Variants in TRERF1 observed in about 807,000 individuals in gnomAD.
TRERF1 encodes the protein transcriptional regulating factor 1.
A neutral mutation model predicts 122.9 loss-of-function variants in TRERF1; 27 were observed. That is an observed-to-expected ratio of 0.22 (90% CI 0.16 to 0.30). The LOEUF (loss-of-function observed/expected upper bound fraction) is 0.30. Ranked by LOEUF, TRERF1 falls within the 10% of genes least tolerant of loss-of-function variation. The pLI is 1.00. For synonymous variants in TRERF1, 636 were observed against 641.7 expected (o/e 0.99, Z 0.13); for missense variants, 1,248 against 1,560.3 (o/e 0.80, Z 3.37).
At chr6:42,421,549 G>A (rs1397284951) in intron 2 of TRERF1, among the ~76,000 whole-genome samples, 1 of 151,632 alleles carries the variant, frequency 6.6e-6, no homozygotes, top group African/African-American at 2.4e-5. Context: ...TGAGGCAGGC[G>A]GATTGCCTGA....
At chr6:42,440,557 A>T (rs1326102658) in intron 2 of TRERF1, among the ~76,000 whole-genome samples, 1 of 152,150 alleles carries the variant, frequency 6.6e-6, no homozygotes, top group African/African-American at 2.4e-5. Flanking sequence ...CTGGAGCCCT[A>T]ATGCTGATAC....
intron 3 of TRERF1, among the ~76,000 whole-genome samples, chr6:42,360,365 G>A (rs548847572): frequency 1.3e-5 from 2 of 152,274 alleles, no homozygotes; most frequent in South Asian, 4.2e-4. Context: ...GAAATTAAAC[G>A]GGATTTCAGA....
At chr6:42,370,725 T>C (rs1489979180) in intron 2 of TRERF1, among the ~76,000 whole-genome samples, 3 of 152,322 alleles carry the variant, frequency 2.0e-5, no homozygotes, top group Middle Eastern at 3.4e-3. Context: ...ACCACTGGCA[T>C]TGACCCCAAG....
At chr6:42,376,698 AC>A (rs1210426258) in intron 2 of TRERF1, among the ~76,000 whole-genome samples, 2 of 148,876 alleles carry the variant, frequency 1.3e-5, no homozygotes, top group African/African-American at 5.0e-5. Context: ...ACATACCACC[AC>A]GCCCAGCTAA....
At position 42,333,783 on chromosome 6, in the gene TRERF1, G is replaced by T. The variant is rs1022270406; in HGVS notation, c.-371+29214C>A. Among the ~76,000 whole-genome samples, 7 of 152,206 alleles carry T rather than the reference G, an allele frequency of 4.6e-5. No homozygotes were observed. The East Asian group carries it at 1.2e-3, about 25-fold the overall frequency. On this transcript the variant is annotated intron_variant, in intron 3 of 17. Transcript: ENST00000372922. The stretch of plus-strand genomic sequence containing the variant: ...GGCCCCTCGAGTGCTTACTTAACTT[G>T]AAGAGGAAATTGCCCCACAGACTCC...
intron 14 of TRERF1, among the ~76,000 whole-genome samples, chr6:42,245,277 G>A (rs533697440): frequency 3.3e-5 from 5 of 152,380 alleles, no homozygotes; most frequent in South Asian, 2.1e-4. Context: ...CATGGCAGCC[G>A]CCAAGGGCAA....
intron 15 of TRERF1, among the ~76,000 whole-genome samples, chr6:42,238,764 A>C (rs994874770): frequency 2.6e-5 from 4 of 151,242 alleles, no homozygotes; most frequent in African/African-American, 9.7e-5. Flanking sequence ...CAAAGACACA[A>C]ATTTGTGTGT....
intron 2 of TRERF1, among the ~76,000 whole-genome samples, chr6:42,416,952 T>C (rs925818315): frequency 6.6e-6 from 1 of 152,122 alleles, no homozygotes; most frequent in Admixed American, 6.5e-5. Context: ...TTTCTAAACA[T>C]AGAAAAAGAT....
intron 2 of TRERF1, among the ~76,000 whole-genome samples, chr6:42,380,223 G>A (rs1362059616): frequency 1.3e-5 from 2 of 151,620 alleles, no homozygotes; most frequent in African/African-American, 4.9e-5. Context: ...AATGTGAGGG[G>A]TGGGTGGGGG....
intron 3 of TRERF1, among the ~76,000 whole-genome samples, chr6:42,358,531 C>T (rs1771042392): frequency 1.3e-5 from 2 of 152,236 alleles, no homozygotes; most frequent in South Asian, 2.1e-4. Context: ...AAATGCGGGG[C>T]AGTGCCCACC....
At chr6:42,315,504 G>A (rs1054055065) in intron 3 of TRERF1, among the ~76,000 whole-genome samples, 2 of 152,136 alleles carry the variant, frequency 1.3e-5, no homozygotes, top group African/African-American at 4.8e-5. Context: ...CGCTAGGATC[G>A]GCGCTTAGAG....
At chr6:42,328,733 C>T (rs965565816) in intron 3 of TRERF1, among the ~76,000 whole-genome samples, 7 of 152,142 alleles carry the variant, frequency 4.6e-5, no homozygotes, top group Non-Finnish European at 1.0e-4. Flanking sequence ...AGAATCTGCT[C>T]TGCTGAAAGT....
intron 4 of TRERF1, among the ~76,000 whole-genome samples, chr6:42,292,962 A>T (rs4714592): frequency 0.39 from 59,379 of 152,096 alleles, 11,905 homozygotes; most frequent in African/African-American, 0.46. Context: ...CTGTCCGTAT[A>T]TACCATTTCC....
chr6:42,351,002 A>AACAC (rs140072376), intron 3 of TRERF1, among the ~76,000 whole-genome samples: 10 of 149,658 alleles, frequency 6.7e-5, no homozygotes, highest in South Asian at 2.1e-4. Flanking sequence ...CACACACACA[A>AACAC]ACACACACAC....
exon 7 of TRERF1, chr6:42,264,713 G>T (rs775859069): frequency 1.2e-6 from 2 of 1,614,054 alleles, no homozygotes; most frequent in Non-Finnish European, 1.7e-6. Context: ...CCTGTTTGAG[G>T]TTGGGGGAGG....
At chr6:42,422,541 C>T (rs1782941157) in intron 2 of TRERF1, among the ~76,000 whole-genome samples, 4 of 151,750 alleles carry the variant, frequency 2.6e-5, no homozygotes, top group Admixed American at 2.6e-4. Flanking sequence ...AATCTCCTGC[C>T]ATACCTTCCA....
At chr6:42,423,577 T>C (rs1053582819) in intron 2 of TRERF1, among the ~76,000 whole-genome samples, 1 of 152,092 alleles carries the variant, frequency 6.6e-6, no homozygotes, top group Non-Finnish European at 1.5e-5. Flanking sequence ...ACCATAGATA[T>C]CAGATGCAGC....
chr6:42,429,960 G>C (rs1784236647), intron 2 of TRERF1, among the ~76,000 whole-genome samples: 1 of 152,104 alleles, frequency 6.6e-6, no homozygotes, highest in Admixed American at 6.5e-5. Context: ...ACTTGAAAGA[G>C]GGCCGGGAGG....
intron 2 of TRERF1, among the ~76,000 whole-genome samples, chr6:42,364,581 G>C (rs1772373632): frequency 6.6e-6 from 1 of 152,210 alleles, no homozygotes; most frequent in Non-Finnish European, 1.5e-5. Context: ...AAGCTGTCCA[G>C]TGTCAAAAGC....
Sources: gnomAD v4.1 joint callset for allele counts (sites outside exome capture counted in the v4.1 genomes callset) on GRCh38, gnomAD v4.1.1 for gene constraint, MANE v1.5 for transcripts, NCBI Gene and HGNC (gene_info 2026-07-23, HGNC 2026-07-21) for gene names.